The following ATP11C variants were observed in gnomAD, a reference collection of about 807,000 sequenced individuals.
ATP11C encodes the protein ATPase phospholipid transporting 11C (ATP11C blood group), also known as phospholipid-transporting ATPase IG.
Under a neutral mutation model 97.4 loss-of-function variants are expected in ATP11C, and 36 were observed. The observed-to-expected ratio is 0.37, with a 90% CI of 0.28 to 0.49. The LOEUF (loss-of-function observed/expected upper bound fraction) is 0.49. Among genes scored for constraint, ATP11C ranks in the 20% least tolerant of loss-of-function variants. ATP11C has a pLI of 0.98. For missense variants in ATP11C, 730 were observed against 824.6 expected (o/e 0.89, Z 1.40); for synonymous variants, 275 against 290.9 (o/e 0.95, Z 0.56).
At chrX:139,886,443 G>A (rs1488298209) in intron 1 of ATP11C, among the ~76,000 whole-genome samples, 1 of 109,902 alleles carries the variant, frequency 9.1e-6, no homozygotes, top group Non-Finnish European at 1.9e-5. Flanking sequence ...ACAAAAATTC[G>A]CTGGGCGTGG....
intron 24 of ATP11C, among the ~76,000 whole-genome samples, chrX:139,747,272 G>A (rs1402961055): frequency 8.9e-6 from 1 of 112,048 alleles, no homozygotes; most frequent in Non-Finnish European, 1.9e-5. Flanking sequence ...GGCAAAAGCA[G>A]GAAGTAGTTC....
intron 1 of ATP11C, among the ~76,000 whole-genome samples, chrX:139,915,123 G>C (rs189547143): frequency 9.0e-6 from 1 of 111,033 alleles, no homozygotes; most frequent in Admixed American, 9.6e-5. Context: ...TACACCTAAA[G>C]TAAAATTTTA....
In ATP11C at chrX:139,826,700, T is replaced by G. The variant is rs775809192; in HGVS notation, c.147+4A>C. 2.8e-5 allele frequency: 33 copies of G among 1,194,882 alleles called. 1 individual carries two copies. In the South Asian group the frequency reaches 6.0e-4, roughly 22 times the overall value. Reference sequence around the variant, plus strand: ...ACATCTATTGAGTTAAAACAAAAACTTACCTTAGATGAGACTATTCTATTA... The same window carrying G: ...ACATCTATTGAGTTAAAACAAAAACGTACCTTAGATGAGACTATTCTATTA... On this transcript the variant is annotated splice_donor_region_variant and intron_variant, in intron 2 of 29. Coordinates refer to ENST00000682941, the MANE Select transcript of ATP11C (RefSeq NM_001353812.2).
chrX:139,759,662 C>T (rs1351394620), intron 22 of ATP11C, among the ~76,000 whole-genome samples: 2 of 111,750 alleles, frequency 1.8e-5, no homozygotes, highest in African/African-American at 6.5e-5. Flanking sequence ...GGAAAGACTT[C>T]TCAGCTCAGC....
chrX:139,816,926 T>A lies in ATP11C; in HGVS notation c.255A>T (p.Pro85=). 1 of 1,195,245 alleles carries A rather than the reference T, an allele frequency of 8.4e-7. No individual in the cohort carries two copies. Among genetic ancestry groups the A allele is most frequent in the Non-Finnish European group, 1.1e-6 (1 of 883,338 alleles). The change falls in exon 4 of 30, where the codon CCA becomes CCT. Residue 85 remains proline (P), a synonymous_variant. Transcript: ENST00000682941. ...GAAGTCCACTGGTAACTGGGCTAGT[T>A]GGTGTGTCTACTGTGACCTAGGTAA... ...IFLVQVTVDT[P]TSPVTSGLPL...
At chrX:139,759,021 T>A (rs1246809066) in intron 22 of ATP11C, among the ~76,000 whole-genome samples, 1 of 112,289 alleles carries the variant, frequency 8.9e-6, no homozygotes, top group Non-Finnish European at 1.9e-5. Context: ...GCTCCCAAGG[T>A]CATCACCTGG....
intron 24 of ATP11C, among the ~76,000 whole-genome samples, chrX:139,746,507 A>G (rs2081689987): frequency 8.9e-6 from 1 of 112,128 alleles, no homozygotes; most frequent in South Asian, 3.7e-4. Flanking sequence ...TTGACTTCAG[A>G]GCATATGCTC....
At chrX:139,838,088 A>T (rs1016001145) in intron 1 of ATP11C, among the ~76,000 whole-genome samples, 1 of 112,005 alleles carries the variant, frequency 8.9e-6, no homozygotes, top group Non-Finnish European at 1.9e-5. Flanking sequence ...TAACCAATAC[A>T]TATGTTCAGA....
intron 4 of ATP11C, among the ~76,000 whole-genome samples, chrX:139,816,600 C>A (rs1323379604): frequency 4.5e-5 from 5 of 112,187 alleles, no homozygotes; most frequent in Admixed American, 9.5e-5. Context: ...AAAAAATCTG[C>A]CTCCTATTTC....
chrX:139,828,104 C>T, intron 1 of ATP11C, among the ~76,000 whole-genome samples: 1 of 111,525 alleles, frequency 9.0e-6, no homozygotes, highest in Non-Finnish European at 1.9e-5. Flanking sequence ...TGGAAAGCTA[C>T]TCTGGCATGT....
intron 24 of ATP11C, among the ~76,000 whole-genome samples, chrX:139,749,445 T>G (rs2081762838): frequency 8.9e-6 from 1 of 112,109 alleles, no homozygotes; most frequent in South Asian, 3.7e-4. Context: ...AAAATCCAAT[T>G]AAATCATAAG....
At chrX:139,801,867 T>A (rs2082934279) in intron 7 of ATP11C, among the ~76,000 whole-genome samples, 1 of 111,897 alleles carries the variant, frequency 8.9e-6, no homozygotes, top group African/African-American at 3.2e-5. Flanking sequence ...GAAGAGGATA[T>A]CCCCCTTCTC....
chrX:139,854,114 T>C (rs1158918201), intron 1 of ATP11C, among the ~76,000 whole-genome samples: 1 of 111,711 alleles, frequency 9.0e-6, no homozygotes, highest in Non-Finnish European at 1.9e-5. Flanking sequence ...GGGAAACTCT[T>C]GTAAAAGCAG....
intron 1 of ATP11C, among the ~76,000 whole-genome samples, chrX:139,833,840 G>C (rs984096886): frequency 9.0e-6 from 1 of 110,862 alleles, no homozygotes; most frequent in African/African-American, 3.3e-5. Flanking sequence ...GCTTAGTTGA[G>C]CCTCATTTCC....
At chrX:139,875,012 T>C (rs1466581295) in intron 1 of ATP11C, among the ~76,000 whole-genome samples, 1 of 111,521 alleles carries the variant, frequency 9.0e-6, no homozygotes, top group Non-Finnish European at 1.9e-5. Context: ...TGGAAGAGCA[T>C]ACTACACAAA....
chrX:139,880,200 T>G (rs1266174526), intron 1 of ATP11C, among the ~76,000 whole-genome samples: 1 of 111,325 alleles, frequency 9.0e-6, no homozygotes, highest in Non-Finnish European at 1.9e-5. Context: ...GCAAGAATAG[T>G]AGGAGTAAGA....
At chrX:139,789,076 G>A (rs1005320382) in intron 13 of ATP11C, among the ~76,000 whole-genome samples, 13 of 109,893 alleles carry the variant, frequency 1.2e-4, no homozygotes, top group Admixed American at 6.8e-4. Flanking sequence ...GGTGGCAGGC[G>A]CCTGTAATCC....
chrX:139,774,076 T>C (rs1312474396), intron 19 of ATP11C, among the ~76,000 whole-genome samples: 4 of 112,327 alleles, frequency 3.6e-5, no homozygotes, highest in African/African-American at 1.3e-4. Flanking sequence ...AAGTAATTGG[T>C]TTAGACAAAG....
At chrX:139,819,606 C>A (rs912544123) in intron 2 of ATP11C, among the ~76,000 whole-genome samples, 179 bp from the exon 3 acceptor site, 2 of 112,092 alleles carry the variant, frequency 1.8e-5, no homozygotes, top group African/African-American at 6.5e-5. Flanking sequence ...TATATGAAAA[C>A]CTTTTTCAGA....
Sources: allele counts gnomAD v4.1 joint callset (sites outside exome capture counted in the v4.1 genomes callset), GRCh38; gene constraint gnomAD v4.1.1; transcripts MANE v1.5; gene names NCBI Gene and HGNC (gene_info 2026-07-23, HGNC 2026-07-21).